Variants in THSD4 observed in about 807,000 individuals in gnomAD.
The protein encoded by THSD4 is thrombospondin type-1 domain-containing protein 4.
Under a neutral mutation model 119.0 loss-of-function variants are expected in THSD4, and 69 were observed. The observed-to-expected ratio is 0.58, with a 90% CI of 0.48 to 0.71. THSD4 has a LOEUF of 0.71. Among genes scored for constraint, THSD4 ranks in the 30% least tolerant of loss-of-function variants. The pLI is 0.00. For synonymous variants in THSD4, 524 were observed against 540.4 expected (o/e 0.97, Z 0.42); for missense variants, 1,393 against 1,391.1 (o/e 1.00, Z -0.02).
intron 6 of THSD4, among the ~76,000 whole-genome samples, chr15:71,383,176 C>T (rs575639178): frequency 4.6e-5 from 7 of 152,202 alleles, no homozygotes; most frequent in African/African-American, 7.2e-5. Flanking sequence ...ATAGAGGAAA[C>T]TGGTTTTGGA....
At chr15:71,358,753 C>G (rs959427637) in intron 6 of THSD4, among the ~76,000 whole-genome samples, 1 of 152,218 alleles carries the variant, frequency 6.6e-6, no homozygotes, top group African/African-American at 2.4e-5. Context: ...CTGTCATCAT[C>G]ATCTTTCTTT....
intron 4 of THSD4, among the ~76,000 whole-genome samples, chr15:71,220,842 C>G (rs1490004782): frequency 6.6e-6 from 1 of 152,178 alleles, no homozygotes; most frequent in Non-Finnish European, 1.5e-5. Context: ...GTGCTCCCTG[C>G]TCTCTGCCCC....
At chr15:71,712,843 C>T (rs1180248799) in intron 8 of THSD4, among the ~76,000 whole-genome samples, 1 of 152,096 alleles carries the variant, frequency 6.6e-6, no homozygotes, top group African/African-American at 2.4e-5. Flanking sequence ...GACTACATAC[C>T]CTATGCTTCC....
intron 14 of THSD4, among the ~76,000 whole-genome samples, chr15:71,750,283 C>G (rs999213472): frequency 6.6e-6 from 1 of 152,192 alleles, no homozygotes; most frequent in African/African-American, 2.4e-5. Context: ...CCCATACGGC[C>G]ACATTGGCTG....
At chr15:71,494,454 G>C (rs1273685606) in intron 7 of THSD4, among the ~76,000 whole-genome samples, 12 of 152,008 alleles carry the variant, frequency 7.9e-5, no homozygotes, top group Non-Finnish European at 1.8e-4. Flanking sequence ...ATAGGACACT[G>C]GCTTTTAATT....
chr15:71,367,055 G>C (rs1179900645), intron 6 of THSD4, among the ~76,000 whole-genome samples: 2 of 151,952 alleles, frequency 1.3e-5, no homozygotes, highest in Non-Finnish European at 2.9e-5. Context: ...AGTGAGTTTT[G>C]GCTCATGAAC....
chr15:71,120,292 A>C (rs1157441236), intron 1 of THSD4, among the ~76,000 whole-genome samples: 5 of 152,096 alleles, frequency 3.3e-5, no homozygotes, highest in Non-Finnish European at 4.4e-5. Context: ...AAGAGGCAGC[A>C]GTTTTGTGTA....
chr15:71,521,476 G>C (rs1288450261), intron 7 of THSD4, among the ~76,000 whole-genome samples: 8 of 152,136 alleles, frequency 5.3e-5, no homozygotes, highest in Admixed American at 3.3e-4. Flanking sequence ...ATGGGTGGAT[G>C]ATCGGATCTC....
At position 71,782,088 on chromosome 15, in the gene THSD4, T is replaced by A. The variant is rs1481830715; in HGVS notation, c.*4714T>A. On this transcript the variant is annotated 3_prime_UTR_variant, in exon 18 of 18. Coordinates refer to ENST00000261862, the MANE Select transcript of THSD4 (RefSeq NM_024817.3). ...AGGATGGGGGGCTGCCTGCCCAGGG[T>A]CTCTCACCGTGGTGTAAGCAGAGCC... is the stretch of plus-strand genomic sequence containing the variant. 6.6e-6 allele frequency: 1 copy of A among 151,944 alleles called. No homozygotes were observed. The highest frequency in any genetic ancestry group is 1.9e-4 in the East Asian group (1 of 5,170). 9.4% of individuals were successfully genotyped at this position (151,944 alleles called of 1,614,324 possible). A position where few individuals can be genotyped will look rare whatever the true frequency, so the allele number is the denominator to read the frequency against.
rs1346831940 is a variant in THSD4, at chr15:71,411,816, A to G, written c.1145A>G (p.Gln382Arg). The G allele has an allele frequency of 4.3e-6, 7 of 1,614,006 alleles. No homozygotes were observed. The highest frequency in any genetic ancestry group is 1.3e-5 in the African/African-American group (1 of 75,036). Reference sequence around the variant, plus strand: ...GGCACGGCCATCTGTGTGTCTGGGCAGTGCAAGGTAAGTGCCCCCGAACTG... The same window carrying G: ...GGCACGGCCATCTGTGTGTCTGGGCGGTGCAAGGTAAGTGCCCCCGAACTG... The part of the protein sequence containing the change: ...QNGTAICVSG[Q>R]CKSIGCDDYL... The change falls in exon 7 of 18, where the codon CAG (glutamine) becomes CGG (arginine). Residue 382 changes from glutamine to arginine, a missense_variant. Coordinates refer to ENST00000261862, the MANE Select transcript of THSD4 (RefSeq NM_024817.3).
At chr15:71,434,174 C>A (rs1762121150) in intron 7 of THSD4, among the ~76,000 whole-genome samples, 1 of 152,106 alleles carries the variant, frequency 6.6e-6, no homozygotes, top group African/African-American at 2.4e-5. Context: ...CCTAAAAAAG[C>A]ATTTGGGCTT....
At chr15:71,726,652 C>T (rs1338115302) in intron 8 of THSD4, among the ~76,000 whole-genome samples, 1 of 152,040 alleles carries the variant, frequency 6.6e-6, no homozygotes, top group East Asian at 1.9e-4. Context: ...AAAACAGGAC[C>T]TTCGGCTGGG....
chr15:71,100,164 A>G (rs1333486085), intron 1 of THSD4, among the ~76,000 whole-genome samples: 2 of 152,156 alleles, frequency 1.3e-5, no homozygotes, highest in Non-Finnish European at 2.9e-5. Context: ...ATTGTTGTTT[A>G]ATCTCCACTC....
At chr15:71,416,374 G>A (rs1181672189) in intron 7 of THSD4, among the ~76,000 whole-genome samples, 2 of 59,468 alleles carry the variant, frequency 3.4e-5, no homozygotes, top group African/African-American at 1.1e-4. Flanking sequence ...GGATCACAGG[G>A]TAGCTCTATT....
chr15:71,670,388 TG>T (rs2051499986), intron 8 of THSD4, among the ~76,000 whole-genome samples: 1 of 151,950 alleles, frequency 6.6e-6, no homozygotes, highest in South Asian at 2.1e-4. Context: ...GCTTCATCCA[TG>T]TCCCTACAAA....
intron 7 of THSD4, among the ~76,000 whole-genome samples, chr15:71,623,352 C>A (rs1406993505): frequency 6.6e-6 from 1 of 152,106 alleles, no homozygotes; most frequent in Non-Finnish European, 1.5e-5. Flanking sequence ...TTAATCATCA[C>A]AATAGCCTTA....
chr15:71,262,875 G>A (rs1354644004), intron 6 of THSD4, among the ~76,000 whole-genome samples: 1 of 152,142 alleles, frequency 6.6e-6, no homozygotes, highest in Non-Finnish European at 1.5e-5. Flanking sequence ...GCTGGTAGAA[G>A]CTGTATCTCA....
chr15:71,415,497 G>C (rs2046747656), intron 7 of THSD4, among the ~76,000 whole-genome samples: 1 of 152,038 alleles, frequency 6.6e-6, no homozygotes, highest in South Asian at 2.1e-4. Flanking sequence ...AGAGTAAATG[G>C]GGTATCCATC....
At chr15:71,485,295 C>T (rs1208092940) in intron 7 of THSD4, among the ~76,000 whole-genome samples, 1 of 152,162 alleles carries the variant, frequency 6.6e-6, no homozygotes, top group African/African-American at 2.4e-5. Flanking sequence ...AAGCTCTGCC[C>T]CTAGTGGCCA....
Sources: gnomAD v4.1 joint callset for allele counts (sites outside exome capture counted in the v4.1 genomes callset) on GRCh38, gnomAD v4.1.1 for gene constraint, MANE v1.5 for transcripts, NCBI Gene and HGNC (gene_info 2026-07-23, HGNC 2026-07-21) for gene names.